MSL2: variants seen among roughly 807,000 people sequenced by gnomAD.
MSL2 encodes the protein E3 ubiquitin-protein ligase MSL2.
Under a neutral mutation model 35.8 loss-of-function variants are expected in MSL2, and 2 were observed. The ratio of observed to expected loss-of-function variants is 0.06; its 90% CI spans 0.02 to 0.18. The LOEUF is 0.18. Among genes scored for constraint, MSL2 ranks in the 10% least tolerant of loss-of-function variants. The pLI is 1.00. For synonymous variants in MSL2, 296 were observed against 255.7 expected (o/e 1.16, Z -1.50); for missense variants, 523 against 706.7 (o/e 0.74, Z 2.95).
Position 136,182,654 on chromosome 3 carries a change from A to T in MSL2, c.142+12318T>A, listed in dbSNP as rs58297942. Among the ~76,000 whole-genome samples the T allele has an allele frequency of 3.3e-4, 50 of 151,980 alleles. No homozygotes were observed. The East Asian group carries it at 9.7e-3, about 29-fold the overall frequency. On this transcript the variant is annotated intron_variant, in intron 1 of 1. Coordinates refer to ENST00000309993, the MANE Select transcript of MSL2 (RefSeq NM_018133.4). ...AAGCACAGAGATGAGAGAGCTGCACAGAGAAAGAGGTCCAGCGCACCACTG... is the reference window on the plus strand; with the variant it reads ...AAGCACAGAGATGAGAGAGCTGCACTGAGAAAGAGGTCCAGCGCACCACTG...
chr3:136,163,872 C>A (rs1373829062), intron 1 of MSL2, among the ~76,000 whole-genome samples: 2 of 152,124 alleles, frequency 1.3e-5, no homozygotes, highest in African/African-American at 4.8e-5. Context: ...AAGAAGGTGC[C>A]CTGCTTCCCC....
At chr3:136,168,106 T>C (rs75439229) in intron 1 of MSL2, among the ~76,000 whole-genome samples, 5,194 of 151,182 alleles carry the variant, frequency 0.034, 133 homozygotes, top group East Asian at 0.15. Flanking sequence ...TGGCTGGGAG[T>C]GGTGGCTCAC....
At chr3:136,171,894 T>C (rs753218659) in intron 1 of MSL2, among the ~76,000 whole-genome samples, 12 of 151,754 alleles carry the variant, frequency 7.9e-5, no homozygotes, top group African/African-American at 1.4e-4. Flanking sequence ...GTTGAAACTT[T>C]TTCTTTTTTT....
intron 1 of MSL2, among the ~76,000 whole-genome samples, chr3:136,172,192 T>C (rs1016803900): frequency 2.0e-5 from 3 of 152,208 alleles, no homozygotes; most frequent in African/African-American, 7.2e-5. Context: ...AATTTTTTCA[T>C]GCTTCCAAAT....
intron 1 of MSL2, among the ~76,000 whole-genome samples, chr3:136,181,326 A>G (rs759332557): frequency 2.0e-5 from 3 of 152,328 alleles, no homozygotes; most frequent in South Asian, 2.1e-4. Flanking sequence ...AATAAAATAC[A>G]TGACTAAGAT....
At chr3:136,160,950 G>A (rs1287730224) in intron 1 of MSL2, among the ~76,000 whole-genome samples, 1 of 151,864 alleles carries the variant, frequency 6.6e-6, no homozygotes, top group East Asian at 1.9e-4. Context: ...AGCCAGGCAT[G>A]GTGGTGCATG....
intron 1 of MSL2, among the ~76,000 whole-genome samples, chr3:136,158,169 G>T (rs772018041): frequency 1.3e-5 from 2 of 151,880 alleles, no homozygotes; most frequent in South Asian, 4.1e-4. Context: ...AAAATTAGCC[G>T]GGCGTGGTGG....
At chr3:136,159,423 G>GCA (rs1939636084) in intron 1 of MSL2, among the ~76,000 whole-genome samples, 2 of 141,708 alleles carry the variant, frequency 1.4e-5, no homozygotes, top group African/African-American at 5.4e-5. Context: ...GAGTGCAGTG[G>GCA]TGCCATCTCG....
chr3:136,163,087 G>A (rs564599098), intron 1 of MSL2, among the ~76,000 whole-genome samples: 7 of 151,428 alleles, frequency 4.6e-5, no homozygotes, highest in East Asian at 1.9e-4. Flanking sequence ...GTGAAACCCC[G>A]TCTCTACTAA....
chr3:136,176,043 A>G (rs1486536763), intron 1 of MSL2, among the ~76,000 whole-genome samples: 1 of 152,216 alleles, frequency 6.6e-6, no homozygotes, highest in East Asian at 1.9e-4. Context: ...AGATACATAT[A>G]CAAGGAAATA....
At chr3:136,184,132 A>G (rs999250954) in intron 1 of MSL2, among the ~76,000 whole-genome samples, 4 of 151,902 alleles carry the variant, frequency 2.6e-5, no homozygotes, top group South Asian at 4.2e-4. Flanking sequence ...CGTCTCTACT[A>G]AAAATACAAA....
chr3:136,162,651 G>A lies in MSL2; in HGVS notation c.143-9913C>T, dbSNP rs138461013. On this transcript the variant is annotated intron_variant, in intron 1 of 1. Transcript: ENST00000309993. ...AAGTGAAATAGGAAAACACTGCTCTGAGTTTAATCTGTCTTATAGATTTTA... is the reference window on the plus strand; with the variant it reads ...AAGTGAAATAGGAAAACACTGCTCTAAGTTTAATCTGTCTTATAGATTTTA... Among the ~76,000 whole-genome samples, 40 of 152,278 alleles carry A rather than the reference G, an allele frequency of 2.6e-4. No individual in the cohort carries two copies. The East Asian group carries it at 6.9e-3, about 26-fold the overall frequency.
intron 1 of MSL2, among the ~76,000 whole-genome samples, chr3:136,172,732 G>A (rs561064065): frequency 6.6e-6 from 1 of 151,812 alleles, no homozygotes; most frequent in Non-Finnish European, 1.5e-5. Flanking sequence ...ACCCCTTTGA[G>A]AATCTGACTA....
At chr3:136,189,499 C>T (rs1206212293) in intron 1 of MSL2, among the ~76,000 whole-genome samples, 1 of 148,086 alleles carries the variant, frequency 6.8e-6, no homozygotes, top group Non-Finnish European at 1.5e-5. Flanking sequence ...CGGAGTCGGG[C>T]GGATCACGAG....
intron 1 of MSL2, among the ~76,000 whole-genome samples, chr3:136,158,666 A>C (rs1033335150): frequency 3.3e-5 from 5 of 152,248 alleles, no homozygotes; most frequent in Non-Finnish European, 7.3e-5. Flanking sequence ...AAAAGAAACA[A>C]GTAAAATTGT....
intron 1 of MSL2, among the ~76,000 whole-genome samples, chr3:136,177,795 TGA>T (rs890811322): frequency 6.6e-6 from 1 of 152,148 alleles, no homozygotes; most frequent in African/African-American, 2.4e-5. Context: ...CCATTATATT[TGA>T]GAGACCAGTG....
At chr3:136,153,059 C>A in intron 1 of MSL2, 8 of 985,360 alleles carry the variant, frequency 8.1e-6, no homozygotes, top group Non-Finnish European at 9.6e-6. Context: ...GATCAGACAC[C>A]AGAAGCACAA....
chr3:136,179,296 T>C (rs931887791), intron 1 of MSL2, among the ~76,000 whole-genome samples: 19 of 152,190 alleles, frequency 1.2e-4, no homozygotes, highest in Admixed American at 4.6e-4. Context: ...AAGCAATCCC[T>C]GCACCTCAAG....
In MSL2 at chr3:136,164,821, T is replaced by C. The variant is rs138175145; in HGVS notation, c.143-12083A>G. Reference sequence around the variant, plus strand: ...AAGGTTTGATTTAGCATAGATCGTGTTCCATATAGTTACACACACAAGTAC... The same window carrying C: ...AAGGTTTGATTTAGCATAGATCGTGCTCCATATAGTTACACACACAAGTAC... On this transcript the variant is annotated intron_variant, in intron 1 of 1. Transcript: ENST00000309993. Among the ~76,000 whole-genome samples, 978 of 152,264 alleles carry C rather than the reference T, an allele frequency of 6.4e-3. 10 individuals carry two copies. The highest frequency in any genetic ancestry group is 0.023 in the African/African-American group (949 of 41,556).
Sources: allele counts gnomAD v4.1 joint callset (sites outside exome capture counted in the v4.1 genomes callset), GRCh38; gene constraint gnomAD v4.1.1; transcripts MANE v1.5; gene names NCBI Gene and HGNC (gene_info 2026-07-23, HGNC 2026-07-21).